KCNN2: variants seen among roughly 807,000 people sequenced by gnomAD.
KCNN2 encodes the protein small conductance calcium-activated potassium channel protein 2.
Under a neutral mutation model 55.5 loss-of-function variants are expected in KCNN2, and 24 were observed. The observed-to-expected ratio is 0.43, with a 90% CI of 0.31 to 0.61. The LOEUF is 0.61. KCNN2 is among the 20% of genes least tolerant of loss of function. The probability of loss-of-function intolerance (pLI) is 0.08; values close to 1 mark genes in which losing one functional copy is unlikely to be tolerated. For synonymous variants in KCNN2, 431 were observed against 336.1 expected (o/e 1.28, Z -3.09); for missense variants, 754 against 853.6 (o/e 0.88, Z 1.45).
At chr5:114,328,165 G>A (rs1441769075) in intron 2 of KCNN2, among the ~76,000 whole-genome samples, 4 of 152,120 alleles carry the variant, frequency 2.6e-5, no homozygotes, top group Non-Finnish European at 5.9e-5. Context: ...TTTTTGGTGA[G>A]TCTGTGGTAT....
At chr5:114,090,531 C>T (rs1018741238) in intron 1 of KCNN2, among the ~76,000 whole-genome samples, 1 of 150,506 alleles carries the variant, frequency 6.6e-6, no homozygotes, top group African/African-American at 2.4e-5. Context: ...CTCACTCTTC[C>T]TCTCTTTCTC....
intron 1 of KCNN2, among the ~76,000 whole-genome samples, chr5:114,150,070 C>T (rs1752490073): frequency 1.3e-5 from 2 of 152,214 alleles, no homozygotes; most frequent in Non-Finnish European, 2.9e-5. Context: ...CGTTCATAGG[C>T]TCTCTGCAGG....
At chr5:114,248,804 AT>A (rs1427406401) in intron 2 of KCNN2, among the ~76,000 whole-genome samples, 3 of 152,186 alleles carry the variant, frequency 2.0e-5, no homozygotes, top group African/African-American at 7.2e-5. Flanking sequence ...ATATTAACAA[AT>A]TTTTTTAAGT....
At chr5:114,199,018 G>A (rs1034412100) in intron 1 of KCNN2, among the ~76,000 whole-genome samples, 1 of 152,048 alleles carries the variant, frequency 6.6e-6, no homozygotes, top group East Asian at 1.9e-4. Flanking sequence ...CTAGTGCTAT[G>A]AGTGGGGTAT....
chr5:114,280,593 C>A (rs1318223602), intron 2 of KCNN2, among the ~76,000 whole-genome samples: 1 of 152,074 alleles, frequency 6.6e-6, no homozygotes, highest in East Asian at 1.9e-4. Flanking sequence ...TCTGGTTTGT[C>A]AAAGATCAGA....
chr5:114,159,204 T>C (rs1752708949), intron 1 of KCNN2, among the ~76,000 whole-genome samples: 4 of 152,204 alleles, frequency 2.6e-5, no homozygotes. Context: ...TGAGAGTTTT[T>C]AGCATGAAGG....
At chr5:114,317,836 G>A (rs9326921) in intron 2 of KCNN2, among the ~76,000 whole-genome samples, 1 of 152,104 alleles carries the variant, frequency 6.6e-6, no homozygotes, top group Non-Finnish European at 1.5e-5. Flanking sequence ...AGCAAAATGG[G>A]CATGTTTCTT....
At chr5:114,396,112 G>A (rs540983655) in intron 2 of KCNN2, among the ~76,000 whole-genome samples, 5 of 152,112 alleles carry the variant, frequency 3.3e-5, no homozygotes, top group African/African-American at 7.2e-5. Flanking sequence ...ACCACCATCC[G>A]CTGTGTTTCT....
At chr5:114,495,140 G>T (rs376659905) in intron 7 of KCNN2, among the ~76,000 whole-genome samples, 1 of 152,090 alleles carries the variant, frequency 6.6e-6, no homozygotes, top group East Asian at 1.9e-4. Context: ...CAATTTCAAG[G>T]TTCACTAGGA....
chr5:114,476,937 T>C (rs1761993826), intron 5 of KCNN2, among the ~76,000 whole-genome samples: 1 of 93,348 alleles, frequency 1.1e-5, no homozygotes, highest in Non-Finnish European at 2.8e-5. Context: ...TTTGATTCCA[T>C]TTGCTTATTT....
intron 1 of KCNN2, among the ~76,000 whole-genome samples, chr5:114,066,648 C>T (rs982332451): frequency 3.5e-4 from 54 of 152,260 alleles, no homozygotes; most frequent in African/African-American, 1.1e-3. Context: ...GGCGTGATCT[C>T]GGCTCACTGC....
Position 114,306,705 on chromosome 5 carries a change from T to TC in KCNN2, c.-184-54240_-184-54239insC, listed in dbSNP as rs1333401060. Among the ~76,000 whole-genome samples, 925 of 147,252 alleles carry TC rather than the reference T, an allele frequency of 6.3e-3. 8 individuals carry two copies. The highest frequency in any genetic ancestry group is 0.022 in the African/African-American group (892 of 40,186). ...CACTTAAATTTTTTTTTTTTCTTTTTTTTTTTTTTTTTTGAGACCAAGTCT... is the reference window on the plus strand; with the variant it reads ...CACTTAAATTTTTTTTTTTTCTTTTTCTTTTTTTTTTTTTGAGACCAAGTCT... On this transcript the variant is annotated intron_variant, in intron 2 of 10. Coordinates refer to the KCNN2 transcript ENST00000512097.
intron 1 of KCNN2, among the ~76,000 whole-genome samples, chr5:114,108,809 G>A (rs1176379186): frequency 2.6e-5 from 4 of 152,058 alleles, no homozygotes; most frequent in African/African-American, 9.7e-5. Flanking sequence ...TGGGGCTTTT[G>A]TGGTTAAAGC....
intron 1 of KCNN2, among the ~76,000 whole-genome samples, chr5:114,108,247 C>A (rs1404138464): frequency 1.3e-5 from 2 of 151,864 alleles, no homozygotes; most frequent in Non-Finnish European, 2.9e-5. Context: ...TTTAAAAATT[C>A]TTTATCTTCA....
chr5:114,065,071 A>G (rs1750417251), intron 1 of KCNN2, among the ~76,000 whole-genome samples: 1 of 152,162 alleles, frequency 6.6e-6, no homozygotes, highest in Non-Finnish European at 1.5e-5. Context: ...GCTGGGATGG[A>G]TACACTATGT....
chr5:114,071,682 G>A (rs1446646115), intron 1 of KCNN2, among the ~76,000 whole-genome samples: 1 of 152,142 alleles, frequency 6.6e-6, no homozygotes, highest in Non-Finnish European at 1.5e-5. Flanking sequence ...CATGGTACTG[G>A]ATATGGAAAG....
chr5:114,315,963 A>G (rs552640978), intron 2 of KCNN2, among the ~76,000 whole-genome samples: 70 of 93,724 alleles, frequency 7.5e-4, no homozygotes, highest in Admixed American at 2.1e-3. Flanking sequence ...TGGGAGTTGG[A>G]AGGAGGCAAA....
chr5:114,430,270 A>G (rs1759750323), intron 3 of KCNN2, among the ~76,000 whole-genome samples: 1 of 152,016 alleles, frequency 6.6e-6, no homozygotes, highest in Admixed American at 6.6e-5. Flanking sequence ...TAGAGTATTT[A>G]TTTAGCTCTT....
At chr5:114,486,701 A>G in intron 5 of KCNN2, 1 of 1,281,250 alleles carries the variant, frequency 7.8e-7, no homozygotes, top group Non-Finnish European at 1.0e-6. Flanking sequence ...TCTGCAGGGA[A>G]AGGAAGATCA....
Sources: allele counts gnomAD v4.1 joint callset (sites outside exome capture counted in the v4.1 genomes callset), GRCh38; gene constraint gnomAD v4.1.1; transcripts MANE v1.5; gene names NCBI Gene and HGNC (gene_info 2026-07-23, HGNC 2026-07-21).